Variants in GRM5 observed in about 807,000 individuals in gnomAD.
The protein encoded by GRM5 is metabotropic glutamate receptor 5.
A neutral mutation model predicts 83.1 loss-of-function variants in GRM5; 19 were observed. The observed-to-expected ratio is 0.23, with a 90% CI of 0.16 to 0.34. The LOEUF (loss-of-function observed/expected upper bound fraction) is 0.34, where lower values mean the gene tolerates loss of function less well. GRM5 is among the 10% of genes least tolerant of loss of function. GRM5 has a pLI of 1.00. For missense variants in GRM5, 1,160 were observed against 1,588.3 expected (o/e 0.73, Z 4.58); for synonymous variants, 675 against 633.6 (o/e 1.07, Z -0.98).
intron 2 of GRM5, among the ~76,000 whole-genome samples, chr11:88,853,035 A>C (rs1944413945): frequency 6.6e-6 from 1 of 152,150 alleles, no homozygotes; most frequent in African/African-American, 2.4e-5. Flanking sequence ...TGAGAAAGAA[A>C]GCTGTGGTAT....
chr11:88,907,865 A>G (rs746139517), intron 2 of GRM5, among the ~76,000 whole-genome samples: 2 of 152,184 alleles, frequency 1.3e-5, no homozygotes, highest in Admixed American at 1.3e-4. Flanking sequence ...TCATAGCAGA[A>G]AATTTGGCAG....
chr11:88,642,975 G>A (rs1939336027), intron 4 of GRM5, among the ~76,000 whole-genome samples: 1 of 151,806 alleles, frequency 6.6e-6, no homozygotes, highest in Admixed American at 6.6e-5. Context: ...GGTTCCAAAT[G>A]TGCTTCCACA....
intron 3 of GRM5, among the ~76,000 whole-genome samples, chr11:88,661,146 C>T (rs1939894019): frequency 6.6e-6 from 1 of 152,158 alleles, no homozygotes. Flanking sequence ...CCAAAGTAGA[C>T]TACAAATTTT....
intron 3 of GRM5, among the ~76,000 whole-genome samples, chr11:88,781,714 C>T (rs961261065): frequency 2.6e-5 from 4 of 152,192 alleles, no homozygotes; most frequent in African/African-American, 9.6e-5. Flanking sequence ...ATGAACAAAG[C>T]AGGAAGACAT....
intron 3 of GRM5, among the ~76,000 whole-genome samples, chr11:88,656,989 T>C (rs1468668085): frequency 6.6e-6 from 1 of 152,122 alleles, no homozygotes; most frequent in East Asian, 1.9e-4. Context: ...CTGGAGCCAA[T>C]GCTCTGCAAA....
intron 9 of GRM5, among the ~76,000 whole-genome samples, chr11:88,512,912 A>T (rs1941417831): frequency 6.6e-6 from 1 of 152,180 alleles, no homozygotes; most frequent in Admixed American, 6.5e-5. Flanking sequence ...TAAGCCATAA[A>T]ACCTTTCAGG....
intron 8 of GRM5, among the ~76,000 whole-genome samples, chr11:88,560,153 G>A (rs973451067): frequency 4.3e-4 from 65 of 152,162 alleles, no homozygotes; most frequent in African/African-American, 1.5e-3. Flanking sequence ...AGATTAGCAA[G>A]GGCCTTTCCT....
intron 3 of GRM5, among the ~76,000 whole-genome samples, chr11:88,751,072 CAAAAA>C (rs774458890): frequency 0.015 from 705 of 47,334 alleles, 3 homozygotes; most frequent in East Asian, 0.035. Flanking sequence ...TAGCAGAAGC[CAAAAA>C]AAAAAAAAAA....
chr11:89,005,156 T>C (rs1211873367), intron 2 of GRM5, among the ~76,000 whole-genome samples: 2 of 152,220 alleles, frequency 1.3e-5, no homozygotes, highest in Non-Finnish European at 1.5e-5. Flanking sequence ...ACAAGTAAGA[T>C]TCTGCAACTG....
At chr11:88,514,163 T>C (rs1408478310) in intron 9 of GRM5, among the ~76,000 whole-genome samples, 1 of 152,178 alleles carries the variant, frequency 6.6e-6, no homozygotes, top group Non-Finnish European at 1.5e-5. Context: ...CCAGGCACCA[T>C]TTAACCCTTT....
Position 88,509,025 on chromosome 11 carries a change from G to T in GRM5, c.3206C>A (p.Thr1069Lys). ...GGAGTTGAGCTCGCTGATGTTGGCC[G>T]TGAAGCGGGTGACCACACTGCTGAT... is the stretch of plus-strand genomic sequence containing the variant. ...EQISSVVTRF[T>K]ANISELNSMM... The change falls in exon 10 of 10, where the codon ACG becomes AAG. Residue 1069 changes from threonine (T) to lysine (K), a missense_variant. Thr to Lys is a moderately conservative substitution (Grantham distance 78). This residue lies in a region of GRM5 where 562 missense variants were observed against 532.4 expected (regional missense o/e 1.06). Transcript: ENST00000305447. 2 of 1,566,428 alleles carry T rather than the reference G, an allele frequency of 1.3e-6. No individual in the cohort carries two copies. The highest frequency in any genetic ancestry group is 8.7e-7 in the Non-Finnish European group (1 of 1,154,996).
chr11:88,743,121 A>G (rs1942061962), intron 3 of GRM5, among the ~76,000 whole-genome samples: 1 of 152,180 alleles, frequency 6.6e-6, no homozygotes, highest in South Asian at 2.1e-4. Context: ...CCTGTTTTAT[A>G]GAAACCCCAT....
intron 2 of GRM5, among the ~76,000 whole-genome samples, chr11:88,951,098 T>TG (rs1447229499): frequency 6.6e-6 from 1 of 152,164 alleles, no homozygotes; most frequent in Non-Finnish European, 1.5e-5. Flanking sequence ...TGTGTGTATC[T>TG]GTGTGTGACA....
intron 4 of GRM5, among the ~76,000 whole-genome samples, chr11:88,632,269 C>A (rs1159579604): frequency 3.1e-5 from 2 of 64,114 alleles, no homozygotes; most frequent in African/African-American, 4.5e-5. Context: ...TTTTTTTTGG[C>A]AGGATCTAAC....
intron 3 of GRM5, among the ~76,000 whole-genome samples, chr11:88,724,253 C>T (rs1408044489): frequency 6.6e-6 from 1 of 152,138 alleles, no homozygotes; most frequent in African/African-American, 2.4e-5. Flanking sequence ...GGAAAGGTAT[C>T]TTCTTTCCTA....
chr11:88,791,953 T>C (rs1943181766), intron 3 of GRM5, among the ~76,000 whole-genome samples: 1 of 152,104 alleles, frequency 6.6e-6, no homozygotes, highest in Admixed American at 6.6e-5. Flanking sequence ...AAGAGTAAAA[T>C]GGATTTTATG....
intron 2 of GRM5, among the ~76,000 whole-genome samples, chr11:88,866,347 G>C (rs1339540756): frequency 2.0e-5 from 3 of 151,962 alleles, no homozygotes; most frequent in Admixed American, 1.3e-4. Flanking sequence ...AATGGGAGTT[G>C]AACAATGAGA....
chr11:89,033,253 G>A (rs1323824681), intron 2 of GRM5, among the ~76,000 whole-genome samples: 7 of 151,956 alleles, frequency 4.6e-5, no homozygotes, highest in Admixed American at 6.6e-5. Flanking sequence ...AGCTGCCCAA[G>A]GTCATCCCAA....
In GRM5 at chr11:88,704,865, A is replaced by G. The variant is rs1447906946; in HGVS notation, c.912-51462T>C. ...AAGGAAGCTAGTTTTTCCTATGATAATTAGCCTTGTCTTCCCTTGGTCTGT... is the reference window on the plus strand; with the variant it reads ...AAGGAAGCTAGTTTTTCCTATGATAGTTAGCCTTGTCTTCCCTTGGTCTGT... On this transcript the variant is annotated intron_variant, in intron 3 of 9. Coordinates refer to ENST00000305447, the MANE Select transcript of GRM5 (RefSeq NM_001143831.3). 3.3e-5 allele frequency among the ~76,000 whole-genome samples: 5 copies of G among 152,046 alleles called. No homozygotes were observed. The East Asian group carries it at 9.7e-4, about 30-fold the overall frequency.
Sources: gnomAD v4.1 joint callset for allele counts (sites outside exome capture counted in the v4.1 genomes callset) on GRCh38, gnomAD v4.1.1 for gene constraint, gnomAD v4.1.1 regional missense constraint, MANE v1.5 for transcripts, NCBI Gene and HGNC (gene_info 2026-07-23, HGNC 2026-07-21) for gene names.